MROH1: variants seen among roughly 807,000 people sequenced by gnomAD.
MROH1 encodes maestro heat-like repeat-containing protein family member 1.
Under a neutral mutation model 116.5 loss-of-function variants are expected in MROH1, and 117 were observed. That is an observed-to-expected ratio of 1.00 (90% CI 0.86 to 1.17). The LOEUF is 1.17. Among genes scored for constraint, MROH1 ranks in the 50% most tolerant of loss-of-function variants. The pLI, the probability that MROH1 is intolerant of heterozygous loss-of-function variation, is 0.00. For synonymous variants in MROH1, 921 were observed against 583.9 expected (o/e 1.58, Z -8.32); for missense variants, 1,873 against 1,338.5 (o/e 1.40, Z -6.23).
At position 144,243,941 on chromosome 8, in the gene MROH1, G is replaced by A. The variant is rs1841433148; in HGVS notation, c.2554G>A (p.Val852Ile). ...KKAMLTCTYL[V>I]SVEPALDEQA... is the part of the protein sequence containing the mutation. ...AGCCATGCTCACCTGCACTTACTTGGTGTATCCTTTCCTGCCTCTGCACAG... is the reference window on the plus strand; with the variant it reads ...AGCCATGCTCACCTGCACTTACTTGATGTATCCTTTCCTGCCTCTGCACAG... The change falls in exon 26 of 44, where the codon GTC becomes ATC. Residue 852 changes from valine (V) to isoleucine (I), a missense_variant and splice_region_variant. By Grantham distance (29) the Val-to-Ile change is conservative (BLOSUM62 3). Coordinates refer to ENST00000326134, the MANE Select transcript of MROH1 (RefSeq NM_032450.3). 1.2e-5 allele frequency: 9 copies of A among 780,116 alleles called. No homozygotes were observed. The Admixed American group carries it at 1.2e-4, about 10-fold the overall frequency. 48.3% of individuals were successfully genotyped at this position (780,116 alleles called of 1,614,324 possible).
chr8:144,152,765 T>G (rs1817153153), intron 1 of MROH1, among the ~76,000 whole-genome samples: 1 of 152,092 alleles, frequency 6.6e-6, no homozygotes, highest in Non-Finnish European at 1.5e-5. Context: ...GCCAGGATGG[T>G]CTCCATCTCC....
intron 22 of MROH1, 51 bp from the exon 23 acceptor site, chr8:144,242,318 G>T: frequency 1.3e-6 from 1 of 780,026 alleles, no homozygotes; most frequent in Non-Finnish European, 2.4e-6. Context: ...GATTCCCGTC[G>T]GGGAGTGTAA....
chr8:144,213,101 G>A (rs373612134), intron 12 of MROH1: 19 of 776,006 alleles, frequency 2.4e-5, no homozygotes, highest in African/African-American at 6.8e-5. Context: ...TCTAACGGCC[G>A]CGCCCGCGTC....
In MROH1 at chr8:144,249,048, C is replaced by T. The variant is rs1033810127; in HGVS notation, c.3273+19C>T. 5.3e-5 allele frequency: 27 copies of T among 507,708 alleles called. No homozygotes were observed. The highest frequency in any genetic ancestry group is 2.0e-4 in the East Asian group (3 of 14,858). 31.5% of individuals were successfully genotyped at this position (507,708 alleles called of 1,614,324 possible). ...GGAGAAGGTGGGAGAGGGCGGGGCG[C>T]GGGGGGTGCTCCAGGAGAAGGTGGG... On this transcript the variant is annotated intron_variant, in intron 32 of 43. Transcript: ENST00000326134.
intron 1 of MROH1, among the ~76,000 whole-genome samples, chr8:144,151,426 G>A (rs1034239655): frequency 0.018 from 2,752 of 152,230 alleles, 98 homozygotes; most frequent in African/African-American, 0.063. Context: ...GCCATCGACT[G>A]GCTGGACAAG....
intron 2 of MROH1, among the ~76,000 whole-genome samples, chr8:144,162,640 A>G (rs1587774495): frequency 7.0e-6 from 1 of 142,526 alleles, no homozygotes; most frequent in Admixed American, 7.0e-5. Flanking sequence ...CAAGTGGTCC[A>G]CCTGCCTCAG....
intron 8 of MROH1, 28 bp from the exon 9 acceptor site, chr8:144,191,687 A>G: frequency 6.2e-7 from 1 of 1,609,972 alleles, no homozygotes; most frequent in African/African-American, 1.3e-5. Context: ...TGAGCAGCGT[A>G]AGCTTCCCGC....
At chr8:144,161,439 G>A (rs953475871) in intron 2 of MROH1, among the ~76,000 whole-genome samples, 75 of 152,196 alleles carry the variant, frequency 4.9e-4, no homozygotes, top group African/African-American at 1.7e-3. Flanking sequence ...TGCAGACTCC[G>A]GCCGCCTTGG....
chr8:144,205,034 A>G (rs1341081970), intron 12 of MROH1, among the ~76,000 whole-genome samples: 1 of 152,206 alleles, frequency 6.6e-6, no homozygotes, highest in Admixed American at 6.6e-5. Context: ...GTCCTCACCA[A>G]CATTGGTTGG....
intron 13 of MROH1, among the ~76,000 whole-genome samples, chr8:144,222,322 G>A (rs1836942392): frequency 6.6e-6 from 1 of 152,114 alleles, no homozygotes; most frequent in South Asian, 2.1e-4. Flanking sequence ...ATGGAGGAGG[G>A]AAAGTAAGTG....
rs1588468327 is a variant in MROH1, at chr8:144,247,289, C to T, written c.2872-12C>T. On this transcript the variant is annotated splice_polypyrimidine_tract_variant and intron_variant, in intron 29 of 43. Coordinates refer to ENST00000326134, the MANE Select transcript of MROH1 (RefSeq NM_032450.3). Reference sequence around the variant, plus strand: ...CCCAGCATTCTAATAGCCCAGGCATCTCCTCCTCCAGGCCCTGGTGCCCTT... The same window carrying T: ...CCCAGCATTCTAATAGCCCAGGCATTTCCTCCTCCAGGCCCTGGTGCCCTT... 1 of 767,734 alleles carries T rather than the reference C, an allele frequency of 1.3e-6. No individual in the cohort carries two copies. Among genetic ancestry groups the T allele is most frequent in the Non-Finnish European group, 2.4e-6 (1 of 416,594 alleles). The allele number at this position is 767,734 out of a possible 1,614,324, so 47.6% of individuals were successfully genotyped here.
intron 13 of MROH1, among the ~76,000 whole-genome samples, chr8:144,221,090 C>T (rs751110101): frequency 2.6e-5 from 4 of 152,234 alleles, no homozygotes; most frequent in African/African-American, 4.8e-5. Context: ...CCCCTGGGGT[C>T]GCGGACAGTG....
Position 144,180,604 on chromosome 8 carries a change from A to C in MROH1, c.562+81A>C, listed in dbSNP as rs926612859. 479 of 1,262,574 alleles carry C rather than the reference A, an allele frequency of 3.8e-4. 7 individuals are homozygous for C. The highest frequency in any genetic ancestry group is 1.9e-4 in the Admixed American group (9 of 47,890). The allele number at this position is 1,262,574 out of a possible 1,614,324, so 78.2% of individuals were successfully genotyped here. On this transcript the variant is annotated intron_variant, in intron 7 of 43. Transcript: ENST00000326134. The surrounding 1 kb of genome is among the most constrained non-coding windows in gnomAD (Gnocchi z 7.4). Reference sequence around the variant, plus strand: ...CCCGGGCATGCCTGTTTTAGGGGGGACAGGTGGGCACTTTAGGCTGCAGGA... The same window carrying C: ...CCCGGGCATGCCTGTTTTAGGGGGGCCAGGTGGGCACTTTAGGCTGCAGGA...
chr8:144,226,382 G>A (rs939881177), intron 14 of MROH1, among the ~76,000 whole-genome samples: 62 of 152,214 alleles, frequency 4.1e-4, no homozygotes, highest in African/African-American at 1.1e-3. Context: ...TCTCTCTAAC[G>A]CTCCAGCTCC....
At chr8:144,185,281 C>A (rs1300077274) in intron 7 of MROH1, among the ~76,000 whole-genome samples, 1 of 152,034 alleles carries the variant, frequency 6.6e-6, no homozygotes, top group African/African-American at 2.4e-5. Flanking sequence ...TGTGTCAGGC[C>A]GTTGCAAGTT....
intron 4 of MROH1, among the ~76,000 whole-genome samples, chr8:144,176,372 CAAAAA>C (rs61508054): frequency 1.4e-5 from 2 of 139,780 alleles, no homozygotes; most frequent in Admixed American, 7.2e-5. Flanking sequence ...GACTGCATCT[CAAAAA>C]AAAAAAAAAT....
chr8:144,202,298 G>A (rs1831357668), intron 12 of MROH1, among the ~76,000 whole-genome samples: 1 of 151,680 alleles, frequency 6.6e-6, no homozygotes, highest in Non-Finnish European at 1.5e-5. Flanking sequence ...CTGTGGAGGG[G>A]TTGGGAAGGC....
Position 144,258,889 on chromosome 8 carries a change from G to A in MROH1, c.3904G>A (p.Glu1302Lys). Residue 1302 changes from glutamate to lysine, a missense_variant, in exon 36 of 44, where the codon GAG becomes AAG. Transcript: ENST00000326134. ...ACTGCTCAGGACCTCGGCGGGGCAT[G>A]AGGAGGGGGCCACCAGGTTGGCCAG... ...WELLRTSAGH[E>K]EGATRLARAM... 1 of 761,322 alleles carries A rather than the reference G, an allele frequency of 1.3e-6. No homozygotes were observed. The allele number at this position is 761,322 out of a possible 1,614,324, so 47.2% of individuals were successfully genotyped here.
At chr8:144,258,955 G>C in intron 36 of MROH1, 41 bp downstream of exon 36, 1 of 698,574 alleles carries the variant, frequency 1.4e-6, no homozygotes, top group Non-Finnish European at 2.7e-6. Flanking sequence ...CACTGGCTGG[G>C]CTCCACCGGA....
Sources: gnomAD v4.1 joint callset for allele counts (sites outside exome capture counted in the v4.1 genomes callset) on GRCh38, gnomAD v4.1.1 for gene constraint, Gnocchi (gnomAD v3.1) non-coding constraint, MANE v1.5 for transcripts, NCBI Gene and HGNC (gene_info 2026-07-23, HGNC 2026-07-21) for gene names.